The following ANKRD36C variants were observed in gnomAD, a reference collection of about 807,000 sequenced individuals.
The protein encoded by ANKRD36C is ankyrin repeat domain-containing protein 36C.
A neutral mutation model predicts 276.4 loss-of-function variants in ANKRD36C; 61 were observed. The ratio of observed to expected loss-of-function variants is 0.22; its 90% CI spans 0.18 to 0.27. ANKRD36C has a LOEUF of 0.27. Among genes scored for constraint, ANKRD36C ranks in the 10% least tolerant of loss-of-function variants. The pLI is 1.00. For synonymous variants in ANKRD36C, 483 were observed against 680.1 expected (o/e 0.71, Z 4.51); for missense variants, 1,447 against 2,032.3 (o/e 0.71, Z 5.54).
chr2:95,917,437 T>C (rs1482966703), intron 36 of ANKRD36C, among the ~76,000 whole-genome samples: 2 of 151,614 alleles, frequency 1.3e-5, no homozygotes, highest in African/African-American at 4.8e-5. Context: ...GTTCTCATTC[T>C]ACAGTGTCTA....
downstream of ANKRD36C, chr2:95,851,123 A>G (rs1453498366): frequency 2.5e-5 from 39 of 1,534,982 alleles, no homozygotes; most frequent in Non-Finnish European, 3.4e-5. Context: ...TTTATTTCAG[A>G]AATCAATGAT....
At chr2:95,989,258 C>T (rs1679089818) in intron 1 of ANKRD36C, among the ~76,000 whole-genome samples, 1 of 152,128 alleles carries the variant, frequency 6.6e-6, no homozygotes, top group Admixed American at 6.5e-5. Flanking sequence ...TTCTTCTTTT[C>T]CCAAGGATAA....
At chr2:95,911,692 C>G (rs1338278967) in intron 42 of ANKRD36C, among the ~76,000 whole-genome samples, 1 of 151,440 alleles carries the variant, frequency 6.6e-6, no homozygotes, top group Admixed American at 6.6e-5. Context: ...GCAAATGTTC[C>G]AAATGCATCT....
At chr2:95,974,360 T>C (rs1193168909) in intron 6 of ANKRD36C, among the ~76,000 whole-genome samples, 3 of 152,134 alleles carry the variant, frequency 2.0e-5, no homozygotes, top group African/African-American at 7.2e-5. Flanking sequence ...TAAAGATTAA[T>C]AGAATACCAG....
intron 12 of ANKRD36C, among the ~76,000 whole-genome samples, chr2:95,957,149 C>G (rs1010148997): frequency 6.6e-6 from 1 of 152,282 alleles, no homozygotes; most frequent in African/African-American, 2.4e-5. Context: ...AAGCCGGTCT[C>G]TAGTAAAAAT....
At chr2:95,890,826 T>C (rs1335148861) in intron 46 of ANKRD36C, among the ~76,000 whole-genome samples, 1 of 151,590 alleles carries the variant, frequency 6.6e-6, no homozygotes, top group East Asian at 1.9e-4. Flanking sequence ...AACATCATTT[T>C]TGTTTCTAAA....
At chr2:95,854,590 G>A (rs540734367) in intron 63 of ANKRD36C, among the ~76,000 whole-genome samples, 2 of 152,052 alleles carry the variant, frequency 1.3e-5, no homozygotes, top group African/African-American at 4.8e-5. Flanking sequence ...TTTAAAAACT[G>A]AAAGTAAATT....
chr2:95,856,007 T>C lies in ANKRD36C; in HGVS notation c.4254A>G (p.Leu1418=). ...CTGCTAATGTTTCCTCATTCCGTTT[T>C]AGAGCCTTTTGAAGGTCTTCATGCT... Residue 1418 remains leucine, a synonymous_variant, in exon 63 of 67, where the codon CTA becomes CTG. Coordinates refer to ENST00000456556, the Ensembl canonical transcript of ANKRD36C. 4 of 1,612,580 alleles carry C rather than the reference T, an allele frequency of 2.5e-6. No individual in the cohort carries two copies. The South Asian group carries it at 4.4e-5, about 18-fold the overall frequency.
At chr2:95,930,784 G>C (rs370855576) in intron 24 of ANKRD36C, among the ~76,000 whole-genome samples, 3 of 149,766 alleles carry the variant, frequency 2.0e-5, no homozygotes, top group Non-Finnish European at 3.0e-5. Flanking sequence ...CTCTCAGGTT[G>C]TTTTACAAAA....
intron 63 of ANKRD36C, 54 bp downstream of exon 83, chr2:95,855,212 C>T (rs1308389004): frequency 3.4e-6 from 5 of 1,489,136 alleles, no homozygotes; most frequent in Non-Finnish European, 4.5e-6. Context: ...CCAAATATTA[C>T]TTTAAATTTT....
At chr2:95,895,649 C>T (rs1454501569) in intron 44 of ANKRD36C, 59 bp from the exon 61 acceptor site, 20 of 1,566,876 alleles carry the variant, frequency 1.3e-5, no homozygotes, top group Middle Eastern at 4.7e-4. Context: ...GTTATCCATA[C>T]ATTCACACAG....
Position 95,948,616 on chromosome 2 carries a change from G to C in ANKRD36C, c.1296-20C>G. 6.5e-7 allele frequency: 1 copy of C among 1,529,982 alleles called. No individual in the cohort carries two copies. Among genetic ancestry groups the C allele is most frequent in the Non-Finnish European group, 8.7e-7 (1 of 1,143,822 alleles). The allele number at this position is 1,529,982 out of a possible 1,614,324, so 94.8% of individuals were successfully genotyped here. ...AGACACCTACAGAGCAAAAAGATAT[G>C]AAAAAAATGAGCACGTTCATTTCTT... On this transcript the variant is annotated intron_variant, in intron 16 of 66. Transcript: ENST00000456556.
At chr2:95,884,295 G>C in intron 53 of ANKRD36C, 45 bp downstream of exon 73, 1 of 1,610,160 alleles carries the variant, frequency 6.2e-7, no homozygotes, top group Non-Finnish European at 8.5e-7. Context: ...ATGTTTCATA[G>C]ACTATACAAT....
intron 58 of ANKRD36C, among the ~76,000 whole-genome samples, chr2:95,878,552 AG>A (rs1399079622): frequency 6.6e-6 from 1 of 152,214 alleles, no homozygotes; most frequent in Non-Finnish European, 1.5e-5. Context: ...TAAAGAGGAA[AG>A]CCTCTTAATT....
At chr2:95,890,971 C>A (rs1264118667) in intron 46 of ANKRD36C, among the ~76,000 whole-genome samples, 1 of 151,444 alleles carries the variant, frequency 6.6e-6, no homozygotes, top group Non-Finnish European at 1.5e-5. Flanking sequence ...TAACTACAAT[C>A]AACAAAATAC....
At chr2:95,858,093 A>G (rs1337409841) in intron 61 of ANKRD36C, among the ~76,000 whole-genome samples, 1 of 151,824 alleles carries the variant, frequency 6.6e-6, no homozygotes, top group Non-Finnish European at 1.5e-5. Flanking sequence ...AAACCAATGT[A>G]TTTCTTACAT....
At chr2:95,960,653 G>T (rs751095268) in exon 9 of ANKRD36C, 19 of 1,262,492 alleles carry the variant, frequency 1.5e-5, no homozygotes, top group Non-Finnish European at 1.1e-6. Context: ...AAGGCCGGTT[G>T]TTTCTGAGAA....
chr2:95,923,741 A>G, intron 30 of ANKRD36C, 52 bp from the exon 31 acceptor site: 1 of 1,598,418 alleles, frequency 6.3e-7, no homozygotes, highest in Non-Finnish European at 8.6e-7. Context: ...TGATAAAGTT[A>G]TCTATACATT....
chr2:95,861,327 T>C (rs1322165774), intron 60 of ANKRD36C, among the ~76,000 whole-genome samples: 1 of 151,030 alleles, frequency 6.6e-6, no homozygotes, highest in African/African-American at 2.4e-5. Flanking sequence ...CACGATAAAC[T>C]GCAAGAAACT....
Sources: allele counts gnomAD v4.1 joint callset (sites outside exome capture counted in the v4.1 genomes callset), GRCh38; gene constraint gnomAD v4.1.1; transcripts MANE v1.5; gene names NCBI Gene and HGNC (gene_info 2026-07-23, HGNC 2026-07-21).